PRH1: variants seen among roughly 807,000 people sequenced by gnomAD.
PRH1 encodes proline rich protein HaeIII subfamily 1, also known as salivary acidic proline-rich phosphoprotein 1/2.
A neutral mutation model predicts 7.9 loss-of-function variants in PRH1; 7 were observed. The observed-to-expected ratio is 0.89, with a 90% confidence interval of 0.50 to 1.67. The LOEUF (loss-of-function observed/expected upper bound fraction) is 1.67, where lower values mean the gene tolerates loss of function less well. Ranked by LOEUF, PRH1 falls within the 40% of genes most tolerant of loss-of-function variation. The probability of loss-of-function intolerance (pLI) is 0.00; values close to 1 mark genes in which losing one functional copy is unlikely to be tolerated. For missense variants in PRH1, 109 were observed against 223.6 expected, an observed-to-expected ratio of 0.49 and a Z score of 3.27; for synonymous variants, 45 against 80.8, an observed-to-expected ratio of 0.56 and a Z score of 2.38.
chr12:11,099,217 G>T (rs1945155916), intron 1 of PRH1, among the ~76,000 whole-genome samples: 1 of 152,094 alleles, frequency 6.6e-6, no homozygotes, highest in African/African-American at 2.4e-5. Flanking sequence ...TTTGCATAGA[G>T]ATTTGAGATG....
intron 1 of PRH1, among the ~76,000 whole-genome samples, chr12:11,099,605 G>A (rs1189499137): frequency 6.6e-6 from 1 of 152,168 alleles, no homozygotes; most frequent in Non-Finnish European, 1.5e-5. Flanking sequence ...GGTGAGGCAG[G>A]AGAATCGCTT....
At chr12:11,138,839 G>A (rs563710656) in intron 1 of PRH1, among the ~76,000 whole-genome samples, 1 of 152,172 alleles carries the variant, frequency 6.6e-6, no homozygotes, top group Admixed American at 6.5e-5. Context: ...AGGAGTTCAA[G>A]ACCAGCTTGG....
rs182563378 is a variant in PRH1, at chr12:11,113,364, A to T, written n.123+58058T>A. 8.5e-5 allele frequency among the ~76,000 whole-genome samples: 13 copies of T among 152,254 alleles called. No homozygotes were observed. The East Asian group carries it at 2.5e-3, about 29-fold the overall frequency. On this transcript the variant is annotated intron_variant and non_coding_transcript_variant, in intron 1 of 4. Transcript: ENST00000541977. The stretch of plus-strand genomic sequence containing the variant: ...CAGCATGGTACTGGTACCAAAACAG[A>T]TATATAGACCAATGGAACAGAACAG...
At chr12:11,018,515 A>G (rs1360899743) in intron 1 of PRH1, among the ~76,000 whole-genome samples, 1 of 152,254 alleles carries the variant, frequency 6.6e-6, no homozygotes, top group Non-Finnish European at 1.5e-5. Flanking sequence ...ATCTGTGGGC[A>G]TGAAGTCTTG....
At chr12:10,885,600 G>C (rs933159560), upstream of PRH1, among the ~76,000 whole-genome samples, 11 of 152,186 alleles carry the variant, frequency 7.2e-5, no homozygotes, top group African/African-American at 2.7e-4. Context: ...AAAAAGCCCT[G>C]TCAGAGTCCT....
chr12:11,096,183 C>T (rs1945064304), intron 1 of PRH1, among the ~76,000 whole-genome samples: 1 of 115,806 alleles, frequency 8.6e-6, no homozygotes, highest in Admixed American at 8.6e-5. Flanking sequence ...TCTTCTGGAA[C>T]TGCAGAAGTA....
At chr12:10,962,926 C>A (rs1420946897) in intron 2 of PRH1, among the ~76,000 whole-genome samples, 1 of 152,168 alleles carries the variant, frequency 6.6e-6, no homozygotes, top group Admixed American at 6.5e-5. Flanking sequence ...CCCGCCACCA[C>A]GCCCTGCTAA....
Position 11,130,290 on chromosome 12 carries a change from C to CTG in PRH1, n.40-9111_40-9110insCA, listed in dbSNP as rs565506887. ...GATAAATCAGAGAAGATTCAGGGAC[C>CTG]GACAACATAGGTGATGTTTTAAGGT... On this transcript the variant is annotated intron_variant and non_coding_transcript_variant, in intron 1 of 1. Coordinates refer to the PRH1 transcript ENST00000541175. Among the ~76,000 whole-genome samples, 15 of 152,074 alleles carry CTG rather than the reference C, an allele frequency of 9.9e-5. No individual in the cohort carries two copies. In the South Asian group the frequency reaches 2.9e-3, roughly 29 times the overall value.
intron 1 of PRH1, among the ~76,000 whole-genome samples, chr12:11,101,107 T>C (rs1945231005): frequency 6.6e-6 from 1 of 152,170 alleles, no homozygotes; most frequent in African/African-American, 2.4e-5. Context: ...TCATGGATAT[T>C]CAAATTTTGA....
intron 2 of PRH1, among the ~76,000 whole-genome samples, chr12:10,936,551 CTG>C (rs1239799544): frequency 8.5e-5 from 13 of 152,204 alleles, no homozygotes; most frequent in African/African-American, 3.1e-4. Context: ...CTTTATGTTC[CTG>C]TGTTATTCCT....
At chr12:11,114,866 A>G (rs781651011) in intron 1 of PRH1, among the ~76,000 whole-genome samples, 3 of 152,172 alleles carry the variant, frequency 2.0e-5, no homozygotes, top group African/African-American at 7.2e-5. Flanking sequence ...TGCAAGCCTC[A>G]TGGTAATCTC....
At chr12:11,059,847 A>C (rs1943512082) in intron 1 of PRH1, among the ~76,000 whole-genome samples, 1 of 152,116 alleles carries the variant, frequency 6.6e-6, no homozygotes, top group Admixed American at 6.5e-5. Flanking sequence ...ACATCAGCTT[A>C]CCCATTTTAT....
intron 1 of PRH1, among the ~76,000 whole-genome samples, chr12:11,100,338 A>C (rs1343800385): frequency 5.3e-5 from 8 of 152,170 alleles, no homozygotes; most frequent in Non-Finnish European, 4.4e-5. Context: ...CAAAGAAGAG[A>C]ATAAAACCAA....
chr12:10,924,677 G>C (rs1950100744), intron 2 of PRH1, among the ~76,000 whole-genome samples: 1 of 152,184 alleles, frequency 6.6e-6, no homozygotes, highest in Admixed American at 6.5e-5. Flanking sequence ...CTCAATTTCA[G>C]AGCCTGTTAG....
intron 2 of PRH1, among the ~76,000 whole-genome samples, chr12:10,924,264 G>A (rs1254622951): frequency 4.6e-5 from 7 of 152,100 alleles, no homozygotes; most frequent in African/African-American, 1.7e-4. Flanking sequence ...TGGGATTACA[G>A]GCGTGAGACA....
chr12:11,039,504 G>GT (rs1182686970), intron 1 of PRH1, among the ~76,000 whole-genome samples: 1 of 152,200 alleles, frequency 6.6e-6, no homozygotes, highest in East Asian at 1.9e-4. Context: ...CCAATGAAGA[G>GT]TTTTTTAAAT....
At chr12:11,052,926 TTTTTG>T (rs1396030310) in intron 1 of PRH1, among the ~76,000 whole-genome samples, 1 of 125,892 alleles carries the variant, frequency 7.9e-6, no homozygotes, top group Non-Finnish European at 1.9e-5. Flanking sequence ...TTTTTTTGAT[TTTTTG>T]TTTTTTGTTT....
intron 1 of PRH1, chr12:10,997,973 T>C: frequency 1.4e-6 from 1 of 740,226 alleles, no homozygotes. Flanking sequence ...ACTTGATTCC[T>C]GAATGTCCAA....
At chr12:11,133,946 G>GT (rs1946465681) in intron 1 of PRH1, 1 of 1,614,134 alleles carries the variant, frequency 6.2e-7, no homozygotes, top group East Asian at 2.2e-5. Context: ...GCTGAGGCTA[G>GT]TAGCAAGCCA....
Sources: allele counts gnomAD v4.1 joint callset (sites outside exome capture counted in the v4.1 genomes callset), GRCh38; gene constraint gnomAD v4.1.1; transcripts MANE v1.5; gene names NCBI Gene and HGNC (gene_info 2026-07-23, HGNC 2026-07-21).